Variants in COP1 observed in about 807,000 individuals in gnomAD.
COP1 encodes E3 ubiquitin-protein ligase COP1.
In COP1, 24 loss-of-function variants were observed where a neutral mutation model predicts 101.3. The ratio of observed to expected loss-of-function variants is 0.24; its 90% CI spans 0.17 to 0.33. The LOEUF (loss-of-function observed/expected upper bound fraction) is 0.33, where lower values mean the gene tolerates loss of function less well. Ranked by LOEUF, COP1 falls within the 10% of genes least tolerant of loss-of-function variation. The probability of loss-of-function intolerance (pLI) is 1.00; values close to 1 mark genes in which losing one functional copy is unlikely to be tolerated. For synonymous variants in COP1, 347 were observed against 341.9 expected (o/e 1.01, Z -0.17); for missense variants, 663 against 906.2 (o/e 0.73, Z 3.45).
intron 15 of COP1, among the ~76,000 whole-genome samples, chr1:176,026,712 C>T (rs1209220227): frequency 6.6e-6 from 1 of 152,022 alleles, no homozygotes; most frequent in African/African-American, 2.4e-5. Flanking sequence ...TTAAATTATG[C>T]ATTTCCTTTT....
intron 1 of COP1, among the ~76,000 whole-genome samples, chr1:176,192,179 T>C (rs778950281): frequency 2.6e-5 from 4 of 152,138 alleles, no homozygotes; most frequent in African/African-American, 7.2e-5. Context: ...CTTACCCCAA[T>C]ACATTCTTGA....
chr1:176,104,983 A>G (rs760726945), intron 9 of COP1, among the ~76,000 whole-genome samples: 5 of 152,212 alleles, frequency 3.3e-5, no homozygotes, highest in Non-Finnish European at 5.9e-5. Flanking sequence ...GACTTCTATG[A>G]ACTTCCATAG....
chr1:176,109,268 A>G (rs2039231), intron 9 of COP1, among the ~76,000 whole-genome samples: 103,587 of 151,886 alleles, frequency 0.68, 36,803 homozygotes, highest in East Asian at 0.92. Context: ...CTTCATTTCT[A>G]TAGTTCTATT....
intron 15 of COP1, among the ~76,000 whole-genome samples, chr1:175,996,969 G>A (rs968667870): frequency 7.3e-5 from 11 of 151,412 alleles, no homozygotes; most frequent in African/African-American, 2.7e-4. Flanking sequence ...GAACAAAGCT[G>A]GAGGCATCAC....
intron 15 of COP1, among the ~76,000 whole-genome samples, chr1:176,017,885 G>T (rs1421392075): frequency 1.3e-5 from 2 of 152,046 alleles, no homozygotes; most frequent in East Asian, 1.9e-4. Flanking sequence ...GCCTTTGATG[G>T]TATCTCACTA....
chr1:176,153,033 G>C (rs1028904610), intron 5 of COP1, among the ~76,000 whole-genome samples: 3 of 152,052 alleles, frequency 2.0e-5, no homozygotes, highest in African/African-American at 7.2e-5. Context: ...ATCTTCCAAA[G>C]CGTATGTGGA....
rs554914720 is a variant in COP1, at chr1:175,994,462, G to C, written c.1730-4983C>G. Among the ~76,000 whole-genome samples, 10 of 152,306 alleles carry C rather than the reference G, an allele frequency of 6.6e-5. No individual in the cohort carries two copies. In the East Asian group the frequency reaches 1.9e-3, roughly 29 times the overall value. ...GACACAGACTGGCAAACTGGATAAAGAGTCAAGACCCATCAGTGTGCTGTA... is the reference window on the plus strand; with the variant it reads ...GACACAGACTGGCAAACTGGATAAACAGTCAAGACCCATCAGTGTGCTGTA... On this transcript the variant is annotated intron_variant, in intron 15 of 19. Coordinates refer to ENST00000367669, the MANE Select transcript of COP1 (RefSeq NM_022457.7).
chr1:175,986,696 G>T (rs1012768172), intron 18 of COP1, among the ~76,000 whole-genome samples: 6 of 152,096 alleles, frequency 3.9e-5, no homozygotes, highest in African/African-American at 1.4e-4. Flanking sequence ...ATATGATAAT[G>T]GTTATAACTG....
intron 17 of COP1, among the ~76,000 whole-genome samples, chr1:175,987,451 T>G (rs1309465409): frequency 6.6e-6 from 1 of 152,176 alleles, no homozygotes; most frequent in African/African-American, 2.4e-5. Context: ...AAGTCTATAG[T>G]AGAACCAGAA....
chr1:176,078,900 T>C (rs61186664), intron 11 of COP1, among the ~76,000 whole-genome samples: 16,465 of 152,004 alleles, frequency 0.11, 981 homozygotes, highest in Middle Eastern at 0.16. Context: ...ACACTCAGCA[T>C]CACTAATCAT....
chr1:176,066,756 AATG>A (rs545057930), intron 11 of COP1, among the ~76,000 whole-genome samples: 8 of 152,324 alleles, frequency 5.3e-5, no homozygotes, highest in Non-Finnish European at 1.0e-4. Context: ...TTCACCAAAA[AATG>A]ATAACTAGAA....
At chr1:176,092,740 C>T (rs1371186132) in intron 9 of COP1, among the ~76,000 whole-genome samples, 1 of 152,182 alleles carries the variant, frequency 6.6e-6, no homozygotes, top group Non-Finnish European at 1.5e-5. Flanking sequence ...GGAACTCATA[C>T]ACTCATGTAG....
intron 3 of COP1, among the ~76,000 whole-genome samples, chr1:176,165,061 C>A (rs1360946612): frequency 6.6e-6 from 1 of 152,052 alleles, no homozygotes; most frequent in Non-Finnish European, 1.5e-5. Flanking sequence ...TTTTTGAAAA[C>A]AACAAACAGA....
intron 5 of COP1, among the ~76,000 whole-genome samples, chr1:176,149,906 G>C (rs1692151665): frequency 1.3e-5 from 2 of 151,968 alleles, no homozygotes; most frequent in South Asian, 4.1e-4. Flanking sequence ...ACTTGAAAGG[G>C]AGAATAAAAA....
At chr1:176,074,616 T>G (rs1426523599) in intron 11 of COP1, among the ~76,000 whole-genome samples, 1 of 152,120 alleles carries the variant, frequency 6.6e-6, no homozygotes, top group Non-Finnish European at 1.5e-5. Context: ...CTTGTTTAGG[T>G]CTTCCTAAGA....
intron 14 of COP1, among the ~76,000 whole-genome samples, chr1:176,040,853 A>AGG (rs1670404017): frequency 3.3e-5 from 5 of 152,216 alleles, no homozygotes; most frequent in African/African-American, 9.6e-5. Flanking sequence ...TCAAAACAAT[A>AGG]CTGAAAGTTA....
In COP1 at chr1:176,007,771, TCTGCAGAGGTTA is replaced by T. The variant is rs951478723; in HGVS notation, c.1730-18304_1730-18293del. Among the ~76,000 whole-genome samples the T allele has an allele frequency of 2.6e-3, 399 of 152,318 alleles. 2 individuals carry two copies. The highest frequency in any genetic ancestry group is 9.2e-3 in the African/African-American group (381 of 41,578). ...AAGCTGTCAGACAGGGACATTTAAG[TCTGCAGAGGTTA>T]CTGCTGTCTTTTTGTTTGTGTGTGC... On this transcript the variant is annotated intron_variant, in intron 15 of 19. Transcript: ENST00000367669.
chr1:176,078,045 C>T (rs927574260), intron 11 of COP1, among the ~76,000 whole-genome samples: 1 of 152,040 alleles, frequency 6.6e-6, no homozygotes, highest in African/African-American at 2.4e-5. Flanking sequence ...TTGGAAGAAT[C>T]GATATTGCTA....
chr1:175,956,897 C>T (rs1374448036), intron 18 of COP1, among the ~76,000 whole-genome samples: 2 of 151,814 alleles, frequency 1.3e-5, no homozygotes, highest in African/African-American at 2.4e-5. Flanking sequence ...GAAGACATTC[C>T]GATGGGACAA....
Sources: gnomAD v4.1 joint callset for allele counts (sites outside exome capture counted in the v4.1 genomes callset) on GRCh38, gnomAD v4.1.1 for gene constraint, MANE v1.5 for transcripts, NCBI Gene and HGNC (gene_info 2026-07-23, HGNC 2026-07-21) for gene names.